The following SCN4B variants were observed in gnomAD, a reference collection of about 807,000 sequenced individuals.
SCN4B encodes sodium voltage-gated channel beta subunit 4.
Under a neutral mutation model 19.6 loss-of-function variants are expected in SCN4B, and 20 were observed. The ratio of observed to expected loss-of-function variants is 1.02; its 90% CI spans 0.72 to 1.48. SCN4B has a LOEUF of 1.48. Ranked by LOEUF, SCN4B falls within the 40% of genes most tolerant of loss-of-function variation. The probability of loss-of-function intolerance (pLI) is 0.00; values close to 1 mark genes in which losing one functional copy is unlikely to be tolerated. For synonymous variants in SCN4B, 127 were observed against 122.8 expected, an observed-to-expected ratio of 1.03 and a Z score of -0.22; for missense variants, 271 against 287.5, an observed-to-expected ratio of 0.94 and a Z score of 0.42.
intron 1 of SCN4B, among the ~76,000 whole-genome samples, chr11:118,150,015 T>C (rs1762573109): frequency 6.6e-6 from 1 of 152,202 alleles, no homozygotes; most frequent in South Asian, 2.1e-4. Flanking sequence ...GCTTCTTCTT[T>C]CCTTTTTCTT....
rs1286455337 is a variant in SCN4B at position 118,134,264 on chromosome 11, T to C, written c.*2763A>G. The C allele has an allele frequency of 2.2e-6, 1 of 454,058 alleles. No individual in the cohort carries two copies. The highest frequency in any genetic ancestry group is 2.3e-5 in the Admixed American group (1 of 42,564). The allele number at this position is 454,058 out of a possible 1,614,324, so 28.1% of individuals were successfully genotyped here. ...GATGAGGAGCTCAGAACTTTGTCTT[T>C]AGTCTCGCTGACATCACTCAGCCCA... On this transcript the variant is annotated 3_prime_UTR_variant, in exon 5 of 5. Coordinates refer to ENST00000324727, the MANE Select transcript of SCN4B (RefSeq NM_174934.4).
rs770078081 is a variant in SCN4B, at chr11:118,134,749, G to T, written c.*2278C>A. On this transcript the variant is annotated 3_prime_UTR_variant, in exon 5 of 5. Coordinates refer to ENST00000324727, the MANE Select transcript of SCN4B (RefSeq NM_174934.4). ...GAGATGGGACACAGAGATGAAGACA[G>T]GACAGACTTGGAACTATCCCTGCAA... The T allele has an allele frequency of 1.3e-5, 6 of 453,966 alleles. No individual in the cohort carries two copies. The highest frequency in any genetic ancestry group is 9.3e-5 in the South Asian group (6 of 64,484). The allele number at this position is 453,966 out of a possible 1,614,324, so 28.1% of individuals were successfully genotyped here. A position where few individuals can be genotyped will look rare whatever the true frequency, so the allele number is the denominator to read the frequency against.
intron 1 of SCN4B, among the ~76,000 whole-genome samples, chr11:118,151,301 T>C (rs549888122): frequency 3.9e-5 from 6 of 152,174 alleles, no homozygotes; most frequent in Non-Finnish European, 7.3e-5. Context: ...AATTCCTCAG[T>C]GATCCTTTAC....
At chr11:118,144,084 G>A (rs1255644324) in intron 2 of SCN4B, 23 bp from the exon 3 acceptor site, 4 of 1,530,166 alleles carry the variant, frequency 2.6e-6, no homozygotes, top group Admixed American at 3.3e-5. Flanking sequence ...GGGAGTTGGG[G>A]TGAGAAAGTA....
In SCN4B at chr11:118,145,191, A is replaced by T; in HGVS notation, c.100T>A (p.Ser34Thr). The T allele has an allele frequency of 6.3e-7, 1 of 1,599,152 alleles. No homozygotes were observed. Among genetic ancestry groups the T allele is most frequent in the African/African-American group, 1.4e-5 (1 of 70,524 alleles). The change falls in exon 2 of 5, where the codon TCT becomes ACT. Residue 34 changes from serine to threonine, a missense_variant. Coordinates refer to ENST00000324727, the MANE Select transcript of SCN4B (RefSeq NM_174934.4). ...LLPVTLSLEV[S>T]VGKATDIYAV... ...TAGATGTCGGTGGCCTTTCCCACAG[A>T]CACCTCCAGCGACAGGGTTACGGGG...
intron 1 of SCN4B, among the ~76,000 whole-genome samples, chr11:118,151,122 G>GCGCA (rs1046976711): frequency 1.3e-5 from 2 of 149,132 alleles, no homozygotes; most frequent in African/African-American, 4.9e-5. Flanking sequence ...TTACACACGT[G>GCGCA]CACACACACA....
intron 2 of SCN4B, 51 bp from the exon 3 acceptor site, chr11:118,144,112 G>T (rs1948137474): frequency 1.6e-6 from 2 of 1,236,146 alleles, no homozygotes; most frequent in East Asian, 2.3e-5. Context: ...AAGAATCGGG[G>T]TCCTCAAGGG....
At position 118,137,017 on chromosome 11, in the gene SCN4B, G is replaced by A. The variant is rs759936364; in HGVS notation, c.*10C>T. 43 of 1,601,798 alleles carry A rather than the reference G, an allele frequency of 2.7e-5. No individual in the cohort carries two copies. Among genetic ancestry groups the A allele is most frequent in the African/African-American group, 6.7e-5 (5 of 74,698 alleles). The stretch of plus-strand genomic sequence containing the variant: ...GGGGCTCCCTGCAGCTGCTCAGCCC[G>A]AAGCAGGGCTCACACTTTTGAAGGT... On this transcript the variant is annotated 3_prime_UTR_variant, in exon 5 of 5. Transcript: ENST00000324727.
At chr11:118,145,004 C>T in intron 2 of SCN4B, 53 bp downstream of exon 2, 2 of 1,569,362 alleles carry the variant, frequency 1.3e-6, no homozygotes, top group Non-Finnish European at 1.8e-6. Context: ...GCGTAGGAGG[C>T]GAGGCATGGG....
chr11:118,134,168 G>A lies in SCN4B; in HGVS notation c.*2859C>T. 2.2e-6 allele frequency: 1 copy of A among 454,188 alleles called. No homozygotes were observed. Among genetic ancestry groups the A allele is most frequent in the Non-Finnish European group, 4.4e-6 (1 of 226,798 alleles). The allele number at this position is 454,188 out of a possible 1,614,324, so 28.1% of individuals were successfully genotyped here. The stretch of plus-strand genomic sequence containing the variant: ...TCTCTAACATCAGGGGTTTATTCGG[G>A]CTGCCTTCTGTTCAATTACGACATG... On this transcript the variant is annotated 3_prime_UTR_variant, in exon 5 of 5. Transcript: ENST00000324727.
chr11:118,145,052 C>T lies in SCN4B; in HGVS notation c.234+5G>A. On this transcript the variant is annotated splice_donor_5th_base_variant and intron_variant, in intron 2 of 4. Coordinates refer to ENST00000324727, the MANE Select transcript of SCN4B (RefSeq NM_174934.4). Reference sequence around the variant, plus strand: ...GGCTGTACTGTTCTTCCTCCAAATACTTACAATCTTGAATGCGTCACTGCT... The same window carrying T: ...GGCTGTACTGTTCTTCCTCCAAATATTTACAATCTTGAATGCGTCACTGCT... The T allele has an allele frequency of 6.2e-7, 1 of 1,614,020 alleles. No homozygotes were observed. Among genetic ancestry groups the T allele is most frequent in the Non-Finnish European group, 8.5e-7 (1 of 1,179,930 alleles).
intron 1 of SCN4B, among the ~76,000 whole-genome samples, chr11:118,147,089 T>C (rs567160773): frequency 6.6e-6 from 1 of 152,304 alleles, no homozygotes; most frequent in Admixed American, 6.5e-5. Context: ...AGCCTGAGCT[T>C]TTACATTTCG....
rs1565452481 is a variant in SCN4B at position 118,136,044 on chromosome 11, G to GGGGA, written c.*982_*983insTCCC. ...GCGTGATGGAGGGCACGGTGGGGGG[G>GGGGA]GGGGAGCGAGCCAATGGGAGGTTGG... On this transcript the variant is annotated 3_prime_UTR_variant, in exon 5 of 5. Transcript: ENST00000324727. The GGGGA allele has an allele frequency of 4.6e-6, 2 of 435,990 alleles. No individual in the cohort carries two copies. Among genetic ancestry groups the GGGGA allele is most frequent in the Admixed American group, 4.9e-5 (2 of 41,130 alleles). 27.0% of individuals were successfully genotyped at this position (435,990 alleles called of 1,614,324 possible).
chr11:118,141,057 A>T (rs1406258201), intron 4 of SCN4B, 150 bp downstream of exon 4: 1 of 836,272 alleles, frequency 1.2e-6, no homozygotes, highest in African/African-American at 1.7e-5. Context: ...GGGCTGAGAG[A>T]TGGGGAGGGG....
rs1252175554 is a variant in SCN4B at position 118,134,015 on chromosome 11, G to A, written c.*3012C>T. The A allele has an allele frequency of 1.1e-5, 5 of 454,468 alleles. No homozygotes were observed. Among genetic ancestry groups the A allele is most frequent in the East Asian group, 6.9e-5 (1 of 14,400 alleles). 28.2% of individuals were successfully genotyped at this position (454,468 alleles called of 1,614,324 possible). ...CCATGCACCCACACTGCCTGCACACGCACACTCCACACAAGCACACCCCAC... is the reference window on the plus strand; with the variant it reads ...CCATGCACCCACACTGCCTGCACACACACACTCCACACAAGCACACCCCAC... On this transcript the variant is annotated 3_prime_UTR_variant, in exon 5 of 5. Coordinates refer to ENST00000324727, the MANE Select transcript of SCN4B (RefSeq NM_174934.4).
At position 118,143,986 on chromosome 11, in the gene SCN4B, C is replaced by T; in HGVS notation, c.310G>A (p.Val104Ile). ...TLKDDDRITL[V>I]GSTKEKMNNI... ...TTCATCTTCTCCTTAGTAGAGCCTA[C>T]CAGAGTGATGCGGTCATCGTCTTTC... The change falls in exon 3 of 5, where the codon GTA (valine) becomes ATA (isoleucine). Residue 104 changes from valine (V) to isoleucine (I), a missense_variant. Physicochemically the swap from Val to Ile is conservative, Grantham distance 29. Coordinates refer to ENST00000324727, the MANE Select transcript of SCN4B (RefSeq NM_174934.4). 2.5e-6 allele frequency: 4 copies of T among 1,614,138 alleles called. No individual in the cohort carries two copies. Among genetic ancestry groups the T allele is most frequent in the Non-Finnish European group, 3.4e-6 (4 of 1,179,990 alleles).
At position 118,135,285 on chromosome 11, in the gene SCN4B, G is replaced by A. The variant is rs1206071909; in HGVS notation, c.*1742C>T. On this transcript the variant is annotated 3_prime_UTR_variant, in exon 5 of 5. Coordinates refer to ENST00000324727, the MANE Select transcript of SCN4B (RefSeq NM_174934.4). Reference sequence around the variant, plus strand: ...CACTGGCCACAGCCACGGGCACCCTGCAGGTACTACTGGTCCTCAGTCTCC... The same window carrying A: ...CACTGGCCACAGCCACGGGCACCCTACAGGTACTACTGGTCCTCAGTCTCC... 2.2e-6 allele frequency: 1 copy of A among 454,046 alleles called. No homozygotes were observed. Among genetic ancestry groups the A allele is most frequent in the African/African-American group, 2.0e-5 (1 of 50,090 alleles). The allele number at this position is 454,046 out of a possible 1,614,324, so 28.1% of individuals were successfully genotyped here. A position where few individuals can be genotyped will look rare whatever the true frequency, so the allele number is the denominator to read the frequency against.
chr11:118,142,123 C>A (rs1234799285), intron 3 of SCN4B, among the ~76,000 whole-genome samples: 2 of 152,372 alleles, frequency 1.3e-5, no homozygotes, highest in Non-Finnish European at 2.9e-5. Flanking sequence ...GCAATAGCTT[C>A]CTAACTGATC....
intron 4 of SCN4B, among the ~76,000 whole-genome samples, chr11:118,137,789 C>T (rs982955624): frequency 1.2e-4 from 18 of 152,186 alleles, no homozygotes; most frequent in African/African-American, 3.4e-4. Context: ...GGCTGTGCCA[C>T]GCCAGGGGGA....
Sources: gnomAD v4.1 joint callset for allele counts (sites outside exome capture counted in the v4.1 genomes callset) on GRCh38, gnomAD v4.1.1 for gene constraint, MANE v1.5 for transcripts, NCBI Gene and HGNC (gene_info 2026-07-23, HGNC 2026-07-21) for gene names.